CACNG3: variants seen among roughly 807,000 people sequenced by gnomAD.
The protein encoded by CACNG3 is voltage-dependent calcium channel gamma-3 subunit.
A neutral mutation model predicts 28.5 loss-of-function variants in CACNG3; 3 were observed. The ratio of observed to expected loss-of-function variants is 0.11; its 90% confidence interval spans 0.05 to 0.27. CACNG3 has a LOEUF of 0.27. CACNG3 is among the 10% of genes least tolerant of loss of function. CACNG3 has a pLI of 1.00. For missense variants in CACNG3, 236 were observed against 414.4 expected (o/e 0.57, Z 3.74); for synonymous variants, 174 against 162.2 (o/e 1.07, Z -0.55).
chr16:24,346,672 C>T, intron 1 of CACNG3, 62 bp from the exon 2 acceptor site: 2 of 1,074,850 alleles, frequency 1.9e-6, no homozygotes, highest in South Asian at 1.3e-5. Flanking sequence ...GGTGAGGACC[C>T]AGGCTGGCCC....
intron 1 of CACNG3, among the ~76,000 whole-genome samples, chr16:24,261,278 G>A (rs974116966): frequency 7.9e-5 from 12 of 152,088 alleles, no homozygotes; most frequent in African/African-American, 2.2e-4. Flanking sequence ...ACTGAAACTC[G>A]GTCTCAGTGT....
intron 1 of CACNG3, among the ~76,000 whole-genome samples, chr16:24,317,769 G>A (rs941388681): frequency 2.6e-5 from 4 of 152,182 alleles, no homozygotes; most frequent in Non-Finnish European, 5.9e-5. Context: ...CAGACCTGCT[G>A]AATCAGATCC....
chr16:24,303,344 G>GTATTTATTTATTTATT lies in CACNG3; in HGVS notation c.212-43379_212-43364dup, dbSNP rs35148228. 5.7e-3 allele frequency among the ~76,000 whole-genome samples: 852 copies of GTATTTATTTATTTATT among 149,990 alleles called. 7 individuals carry two copies. The highest frequency in any genetic ancestry group is 0.02 in the African/African-American group (824 of 40,706). ...TCTTATTACTTAGAACTCTATGTGT[G>GTATTTATTTATTTATT]TATTTATTTATTTATTTATTTATTT... is the stretch of plus-strand genomic sequence containing the variant. On this transcript the variant is annotated intron_variant, in intron 1 of 3. Transcript: ENST00000005284.
intron 1 of CACNG3, among the ~76,000 whole-genome samples, chr16:24,275,075 T>C (rs1439451282): frequency 1.3e-5 from 2 of 152,050 alleles, no homozygotes; most frequent in Non-Finnish European, 2.9e-5. Context: ...AATAATAAGA[T>C]ATGGCTGGGC....
chr16:24,308,160 A>G (rs555942335), intron 1 of CACNG3, among the ~76,000 whole-genome samples: 1 of 152,182 alleles, frequency 6.6e-6, no homozygotes, highest in Non-Finnish European at 1.5e-5. Context: ...CTCAGAAAAC[A>G]TTGCTTGAAT....
intron 1 of CACNG3, among the ~76,000 whole-genome samples, chr16:24,345,885 T>C (rs1899858139): frequency 6.6e-6 from 1 of 152,188 alleles, no homozygotes; most frequent in African/African-American, 2.4e-5. Context: ...TGGACTATTC[T>C]GGAATGCCTG....
chr16:24,257,368 G>GGGA (rs1287474223), intron 1 of CACNG3, among the ~76,000 whole-genome samples: 12 of 52,842 alleles, frequency 2.3e-4, no homozygotes, highest in African/African-American at 8.9e-4. Context: ...AAGTGAGGGG[G>GGGA]GAGAGAGAGA....
chr16:24,263,567 C>A lies in CACNG3; in HGVS notation c.211+6602C>A, dbSNP rs1202455239. ...AGGGCTTTAATAAGTTAATGAAAGA[C>A]CACAGAGAATATGGGATATAGCAGG... On this transcript the variant is annotated intron_variant, in intron 1 of 3. Coordinates refer to ENST00000005284, the MANE Select transcript of CACNG3 (RefSeq NM_006539.4). 9.2e-5 allele frequency among the ~76,000 whole-genome samples: 14 copies of A among 152,224 alleles called. No homozygotes were observed. The East Asian group carries it at 1.7e-3, about 19-fold the overall frequency.
intron 1 of CACNG3, among the ~76,000 whole-genome samples, chr16:24,328,215 G>C (rs755357251): frequency 1.3e-5 from 2 of 151,970 alleles, no homozygotes; most frequent in African/African-American, 4.8e-5. Flanking sequence ...TCAGCCTGGG[G>C]ACATATTTTT....
chr16:24,281,917 G>C (rs1898834218), intron 1 of CACNG3, among the ~76,000 whole-genome samples: 1 of 152,208 alleles, frequency 6.6e-6, no homozygotes. Context: ...AAACCAAGGT[G>C]TAGAGAGAGG....
Position 24,278,721 on chromosome 16 carries a change from C to T in CACNG3, c.211+21756C>T, listed in dbSNP as rs75254520. On this transcript the variant is annotated intron_variant, in intron 1 of 3. Transcript: ENST00000005284. ...CACGATTACATCTGACCCTTTTTAA[C>T]AACCCTTCATATCTCCATTTCACAG... Among the ~76,000 whole-genome samples the T allele has an allele frequency of 6.7e-3, 1,019 of 152,308 alleles. 11 individuals carry two copies. Among genetic ancestry groups the T allele is most frequent in the African/African-American group, 0.023 (960 of 41,572 alleles).
At position 24,317,614 on chromosome 16, in the gene CACNG3, GAAA is replaced by G. The variant is rs1567217460; in HGVS notation, c.212-29119_212-29117del. ...AGAAAGAAAGAAAGAAAGAAAGAAA[GAAA>G]GAAAGAAAGACAGACAGAAAGAAAG... On this transcript the variant is annotated intron_variant, in intron 1 of 3. Coordinates refer to ENST00000005284, the MANE Select transcript of CACNG3 (RefSeq NM_006539.4). Among the ~76,000 whole-genome samples the G allele has an allele frequency of 5.8e-4, 38 of 66,028 alleles. 1 individual carries two copies. The highest frequency in any genetic ancestry group is 2.5e-3 in the South Asian group (5 of 1,978). 43.3% of individuals were successfully genotyped at this position (66,028 alleles called of 152,430 possible).
chr16:24,304,696 G>A (rs1899161648), intron 1 of CACNG3, among the ~76,000 whole-genome samples: 1 of 152,006 alleles, frequency 6.6e-6, no homozygotes. Context: ...GAGGACCTGG[G>A]CCTACAGGTA....
At chr16:24,348,731 T>G (rs1899902261) in intron 2 of CACNG3, among the ~76,000 whole-genome samples, 1 of 152,236 alleles carries the variant, frequency 6.6e-6, no homozygotes, top group Admixed American at 6.5e-5. Context: ...TTGCATCTTC[T>G]CAATAGAGAA....
intron 1 of CACNG3, among the ~76,000 whole-genome samples, chr16:24,283,612 C>G (rs1271795183): frequency 6.6e-6 from 1 of 152,174 alleles, no homozygotes; most frequent in African/African-American, 2.4e-5. Context: ...GTAAAACAAT[C>G]ATAACATCTG....
At position 24,262,165 on chromosome 16, in the gene CACNG3, A is replaced by C. The variant is rs369225641; in HGVS notation, c.211+5200A>C. Among the ~76,000 whole-genome samples the C allele has an allele frequency of 2.6e-5, 4 of 152,284 alleles. No individual in the cohort carries two copies. In the East Asian group the frequency reaches 7.7e-4, roughly 29 times the overall value. On this transcript the variant is annotated intron_variant, in intron 1 of 3. Transcript: ENST00000005284. ...TTCCGCACCTGCAGTCCTAGATTTA[A>C]TGCTGCACCCTCCCTCAGACATGGG...
chr16:24,272,609 A>T (rs17815868), intron 1 of CACNG3, among the ~76,000 whole-genome samples: 29,412 of 151,998 alleles, frequency 0.19, 3,437 homozygotes, highest in Non-Finnish European at 0.28. Context: ...TGTCCTAGAG[A>T]TCTTCCTACA....
chr16:24,312,955 G>GAAAGAAAGAAAGAGAGAGAA (rs376780380), intron 1 of CACNG3, among the ~76,000 whole-genome samples: 1 of 110,806 alleles, frequency 9.0e-6, no homozygotes, highest in Non-Finnish European at 1.8e-5. Flanking sequence ...AAGAAAGAAA[G>GAAAGAAAGAAAGAGAGAGAA]AGAAAGAAAG....
Position 24,361,480 on chromosome 16 carries a change from G to A in CACNG3, c.565G>A (p.Ala189Thr). The A allele has an allele frequency of 1.9e-6, 3 of 1,613,994 alleles. No homozygotes were observed. The highest frequency in any genetic ancestry group is 1.7e-6 in the Non-Finnish European group (2 of 1,180,008). The stretch of plus-strand genomic sequence containing the variant: ...TTTCGGAGCCTTCTCTTTCATCATC[G>A]CAGAAATTGTAGGAGTGGTTGCCGT... Reference protein sequence around the residue: ...FYFGAFSFIIAEIVGVVAVHI... With the variant: ...FYFGAFSFIITEIVGVVAVHI... The change falls in exon 4 of 4, where the codon GCA becomes ACA. Residue 189 changes from alanine (A) to threonine (T), a missense_variant. This residue lies in a region of CACNG3 where 120 missense variants were observed against 263.4 expected (regional missense o/e 0.46). Coordinates refer to ENST00000005284, the MANE Select transcript of CACNG3 (RefSeq NM_006539.4). The surrounding 1 kb of genome is among the most constrained non-coding windows in gnomAD (Gnocchi z 6.8).
Sources: gnomAD v4.1 joint callset for allele counts (sites outside exome capture counted in the v4.1 genomes callset) on GRCh38, gnomAD v4.1.1 for gene constraint, gnomAD v4.1.1 regional missense constraint, Gnocchi (gnomAD v3.1) non-coding constraint, MANE v1.5 for transcripts, NCBI Gene and HGNC (gene_info 2026-07-23, HGNC 2026-07-21) for gene names.